Variants in C6orf89 observed in about 807,000 individuals in gnomAD.
C6orf89 encodes bombesin receptor-activated protein C6orf89.
Under a neutral mutation model 40.7 loss-of-function variants are expected in C6orf89, and 29 were observed. The observed-to-expected ratio is 0.71, with a 90% CI of 0.53 to 0.97. C6orf89 has a LOEUF of 0.97. Among genes scored for constraint, C6orf89 ranks in the 50% least tolerant of loss-of-function variants. The pLI is 0.00. For missense variants in C6orf89, 392 were observed against 429.1 expected (o/e 0.91, Z 0.76); for synonymous variants, 165 against 152.2 (o/e 1.08, Z -0.62).
In C6orf89 at chr6:36,899,455, C is replaced by G. The variant is rs753532631; in HGVS notation, c.11C>G (p.Ala4Gly). Residue 4 changes from alanine (A) to glycine (G), a missense_variant, in exon 3 of 9, where the codon GCT becomes GGT. Transcript: ENST00000480824. ...TTTATATTGGAAGACATGGATCTTGCTGCCAACGAGATCAGCATTTATGAC... is the reference window on the plus strand; with the variant it reads ...TTTATATTGGAAGACATGGATCTTGGTGCCAACGAGATCAGCATTTATGAC... MDLAANEISIYDKL... is the reference protein window; with the variant it reads MDLGANEISIYDKL... The G allele has an allele frequency of 1.7e-5, 27 of 1,613,988 alleles. No homozygotes were observed. In the South Asian group the frequency reaches 3.0e-4, roughly 18 times the overall value.
chr6:36,876,861 A>G (rs1022502579), intron 1 of C6orf89, among the ~76,000 whole-genome samples: 2 of 152,204 alleles, frequency 1.3e-5, no homozygotes, highest in Non-Finnish European at 2.9e-5. Context: ...CCAGAAAATA[A>G]ATTGGAGTTA....
chr6:36,885,381 A>G (rs1217415504), upstream of C6orf89, among the ~76,000 whole-genome samples: 2 of 152,048 alleles, frequency 1.3e-5, no homozygotes, highest in African/African-American at 4.8e-5. Flanking sequence ...ACCATGAGGC[A>G]CCCTGGGAGT....
In C6orf89 at chr6:36,899,462, C is replaced by G. The variant is rs374490982; in HGVS notation, c.18C>G (p.Asn6Lys). 1.2e-6 allele frequency: 2 copies of G among 1,613,948 alleles called. No homozygotes were observed. Among genetic ancestry groups the G allele is most frequent in the Non-Finnish European group, 1.7e-6 (2 of 1,180,010 alleles). MDLAA[N>K]EISIYDKLSE... ...TGGAAGACATGGATCTTGCTGCCAA[C>G]GAGATCAGCATTTATGACAAACTTT... The change falls in exon 3 of 9, where the codon AAC (asparagine) becomes AAG (lysine). Residue 6 changes from asparagine to lysine, a missense_variant. Transcript: ENST00000480824.
intron 1 of C6orf89, among the ~76,000 whole-genome samples, chr6:36,887,853 G>A (rs944588905): frequency 6.6e-6 from 1 of 151,994 alleles, no homozygotes; most frequent in Non-Finnish European, 1.5e-5. Flanking sequence ...AAGTAGCTGG[G>A]ACTACAGGCA....
At chr6:36,890,324 G>A (rs1325647772) in intron 1 of C6orf89, among the ~76,000 whole-genome samples, 1 of 151,940 alleles carries the variant, frequency 6.6e-6, no homozygotes, top group Non-Finnish European at 1.5e-5. Context: ...GCAGCCTCCT[G>A]CAACCACCAT....
In C6orf89 at chr6:36,923,475, G is replaced by A; in HGVS notation, c.*34G>A. The A allele has an allele frequency of 2.0e-6, 3 of 1,536,690 alleles. No homozygotes were observed. The highest frequency in any genetic ancestry group is 2.7e-6 in the Non-Finnish European group (3 of 1,109,396). On this transcript the variant is annotated 3_prime_UTR_variant, in exon 9 of 9. Transcript: ENST00000480824. ...ACTGTGCACAGGAACAGCTTCCAGA[G>A]CCGAAAACCAGGTTGAAAGGGGAAA...
chr6:36,888,902 G>A lies in C6orf89; in HGVS notation c.-120+2874G>A, dbSNP rs374200939. 3.3e-5 allele frequency among the ~76,000 whole-genome samples: 5 copies of A among 152,338 alleles called. No homozygotes were observed. The East Asian group carries it at 5.8e-4, about 18-fold the overall frequency. ...AGGATTAGTGTTTCCATTAAGAAAA[G>A]AGGTGCAGTGGGAGGAATGAGTTGA... On this transcript the variant is annotated intron_variant, in intron 1 of 8. Coordinates refer to ENST00000480824, the MANE Select transcript of C6orf89 (RefSeq NM_001286635.2).
intron 1 of C6orf89, among the ~76,000 whole-genome samples, chr6:36,892,299 C>G (rs1238201227): frequency 6.6e-6 from 1 of 152,172 alleles, no homozygotes; most frequent in Admixed American, 6.5e-5. Context: ...TCTTTACCCA[C>G]CAGATGCTAA....
At chr6:36,898,114 G>C (rs770798305) in intron 2 of C6orf89, among the ~76,000 whole-genome samples, 1 of 151,890 alleles carries the variant, frequency 6.6e-6, no homozygotes, top group Non-Finnish European at 1.5e-5. Context: ...ATGGGATCTC[G>C]TTCTGTCTCC....
chr6:36,898,763 A>G (rs939709829), intron 2 of C6orf89, among the ~76,000 whole-genome samples: 1 of 152,184 alleles, frequency 6.6e-6, no homozygotes, highest in African/African-American at 2.4e-5. Flanking sequence ...AATACAAATA[A>G]AATGCCCTTT....
At chr6:36,914,101 C>T (rs1452450483) in intron 4 of C6orf89, among the ~76,000 whole-genome samples, 183 bp from the exon 5 acceptor site, 1 of 152,186 alleles carries the variant, frequency 6.6e-6, no homozygotes, top group Non-Finnish European at 1.5e-5. Flanking sequence ...GCAGGGGTTA[C>T]AGTGAGCTGG....
At chr6:36,885,919 G>C (rs1231766609), upstream of C6orf89, 3 of 1,038,138 alleles carry the variant, frequency 2.9e-6, no homozygotes, top group Non-Finnish European at 3.8e-6. Context: ...GCCCAGGAGT[G>C]GGGGGTTGCT....
chr6:36,877,704 G>A (rs1774696320), intron 1 of C6orf89, among the ~76,000 whole-genome samples: 2 of 152,192 alleles, frequency 1.3e-5, no homozygotes, highest in African/African-American at 4.8e-5. Context: ...CCAACTCTTA[G>A]TATTGCTAGT....
At position 36,924,219 on chromosome 6, in the gene C6orf89, GCCC is replaced by G; in HGVS notation, c.*779_*781del. 6.5e-6 allele frequency: 1 copy of G among 154,606 alleles called. No individual in the cohort carries two copies. Among genetic ancestry groups the G allele is most frequent in the Admixed American group, 6.3e-5 (1 of 15,792 alleles). 9.6% of individuals were successfully genotyped at this position (154,606 alleles called of 1,614,324 possible). On this transcript the variant is annotated 3_prime_UTR_variant, in exon 9 of 9. Coordinates refer to ENST00000480824, the MANE Select transcript of C6orf89 (RefSeq NM_001286635.2). ...TCCTCCCTGCCTTGGCGGGGCCAGA[GCCC>G]ACTACTGCTGAGGCAGCACTGCTCT...
rs148962350 is a variant in C6orf89 at position 36,891,101 on chromosome 6, C to T, written c.-119-3403C>T. Reference sequence around the variant, plus strand: ...TGTTGGTGTGCTGCACCTATTAACTCGTCATTTACATTAGGTATATCTCCT... The same window carrying T: ...TGTTGGTGTGCTGCACCTATTAACTTGTCATTTACATTAGGTATATCTCCT... On this transcript the variant is annotated intron_variant, in intron 1 of 8. Transcript: ENST00000480824. Among the ~76,000 whole-genome samples, 773 of 152,134 alleles carry T rather than the reference C, an allele frequency of 5.1e-3. 4 individuals are homozygous for T. The Middle Eastern group carries it at 0.054, about 11-fold the overall frequency.
chr6:36,890,454 C>T (rs539111412), intron 1 of C6orf89, among the ~76,000 whole-genome samples: 4 of 152,030 alleles, frequency 2.6e-5, no homozygotes, highest in Admixed American at 6.6e-5. Flanking sequence ...CAGGTCCATC[C>T]GTATTGTTAC....
Position 36,902,227 on chromosome 6 carries a change from G to T in C6orf89, c.196G>T (p.Ala66Ser). The change falls in exon 4 of 9, where the codon GCA (alanine) becomes TCA (serine). Residue 66 changes from alanine (A) to serine (S), a missense_variant. By Grantham distance (99) the Ala-to-Ser change is moderately conservative. Transcript: ENST00000480824. ...TTTCTATCTTTCCTTGTAGGTTCTC[G>T]CAACCTTGGGATTAATCTTGCTCAC... is the stretch of plus-strand genomic sequence containing the variant. ...PLLIVVYKVL[A>S]TLGLILLTAY... The T allele has an allele frequency of 6.2e-7, 1 of 1,613,798 alleles. No individual in the cohort carries two copies. Among genetic ancestry groups the T allele is most frequent in the Non-Finnish European group, 8.5e-7 (1 of 1,179,916 alleles).
intron 4 of C6orf89, among the ~76,000 whole-genome samples, chr6:36,906,975 T>C (rs903338979): frequency 1.3e-5 from 2 of 152,230 alleles, no homozygotes; most frequent in Non-Finnish European, 2.9e-5. Context: ...ATTTGATTTT[T>C]CTCCCCATGG....
At chr6:36,895,504 A>G (rs1235373999) in intron 2 of C6orf89, among the ~76,000 whole-genome samples, 2 of 152,160 alleles carry the variant, frequency 1.3e-5, no homozygotes, top group Non-Finnish European at 2.9e-5. Context: ...TTATATCTCT[A>G]TAGATTTGCC....
Sources: allele counts gnomAD v4.1 joint callset (sites outside exome capture counted in the v4.1 genomes callset), GRCh38; gene constraint gnomAD v4.1.1; transcripts MANE v1.5; gene names NCBI Gene and HGNC (gene_info 2026-07-23, HGNC 2026-07-21).